SNTB1: variants seen among roughly 807,000 people sequenced by gnomAD.
SNTB1 encodes the protein beta-1-syntrophin.
A neutral mutation model predicts 48.9 loss-of-function variants in SNTB1; 36 were observed. The ratio of observed to expected loss-of-function variants is 0.74; its 90% confidence interval spans 0.56 to 0.97. The LOEUF is 0.97. SNTB1 is among the 50% of genes least tolerant of loss of function. The pLI, the probability that SNTB1 is intolerant of heterozygous loss-of-function variation, is 0.00. For synonymous variants in SNTB1, 299 were observed against 294.6 expected, an observed-to-expected ratio of 1.01 and a Z score of -0.15; for missense variants, 786 against 703.4, an observed-to-expected ratio of 1.12 and a Z score of -1.33.
At chr8:120,540,134 G>A (rs1422002766) in intron 6 of SNTB1, among the ~76,000 whole-genome samples, 2 of 152,128 alleles carry the variant, frequency 1.3e-5, no homozygotes, top group African/African-American at 2.4e-5. Context: ...AGAAAGAAAC[G>A]AAAGGACTTC....
In SNTB1 at chr8:120,693,879, C is replaced by T. The variant is rs780505019; in HGVS notation, c.601G>A (p.Val201Met). The change falls in exon 2 of 7, where the codon GTG becomes ATG. Residue 201 changes from valine (V) to methionine (M), a missense_variant. By Grantham distance (21) the Val-to-Met change is conservative. Coordinates refer to ENST00000517992, the MANE Select transcript of SNTB1 (RefSeq NM_021021.4). The stretch of plus-strand genomic sequence containing the variant: ...TCGGATACTGGGGATCCTTTCTTCA[C>T]ATAGGGCGTGGCTTCTCGCATGTAC... ...VKYMREATPY[V>M]KKGSPVSEIG... The T allele has an allele frequency of 9.3e-6, 15 of 1,614,034 alleles. No homozygotes were observed. In the South Asian group the frequency reaches 1.4e-4, roughly 15 times the overall value.
chr8:120,800,405 A>AATTAATT (rs1820204104), intron 1 of SNTB1, among the ~76,000 whole-genome samples: 1 of 152,126 alleles, frequency 6.6e-6, no homozygotes, highest in Non-Finnish European at 1.5e-5. Context: ...GTGAGAGATT[A>AATTAATT]AAGACATTTT....
chr8:120,718,037 G>A (rs1186935855), intron 1 of SNTB1, among the ~76,000 whole-genome samples: 2 of 152,294 alleles, frequency 1.3e-5, no homozygotes, highest in East Asian at 3.9e-4. Context: ...GTATTTTGCT[G>A]GCTGTCTTTC....
chr8:120,716,792 T>G (rs906486274), intron 1 of SNTB1, among the ~76,000 whole-genome samples: 1 of 152,202 alleles, frequency 6.6e-6, no homozygotes, highest in African/African-American at 2.4e-5. Flanking sequence ...TGATTTAACA[T>G]GGGAAATAGA....
chr8:120,743,765 C>T (rs1467093000), intron 1 of SNTB1, among the ~76,000 whole-genome samples: 1 of 152,156 alleles, frequency 6.6e-6, no homozygotes, highest in Non-Finnish European at 1.5e-5. Flanking sequence ...GTGTATCTCA[C>T]ACTAAAGTAC....
At position 120,566,225 on chromosome 8, in the gene SNTB1, A is replaced by C. The variant is rs190810912; in HGVS notation, c.1136+8861T>G. On this transcript the variant is annotated intron_variant, in intron 4 of 6. Transcript: ENST00000517992. ...GTGCCTGTAGTCCTAGCTACTTGGG[A>C]GGCTAAGGCAGGAGAATCACTTGAA... Among the ~76,000 whole-genome samples the C allele has an allele frequency of 1.1e-3, 160 of 148,674 alleles. 1 individual carries two copies. The highest frequency in any genetic ancestry group is 3.8e-3 in the African/African-American group (155 of 40,670).
At chr8:120,644,818 G>C (rs1303452658) in intron 2 of SNTB1, among the ~76,000 whole-genome samples, 1 of 151,334 alleles carries the variant, frequency 6.6e-6, no homozygotes, top group Non-Finnish European at 1.5e-5. Context: ...ATCCTCTCCA[G>C]CACCTGTTGT....
chr8:120,606,234 TATATA>T (rs902952032), intron 3 of SNTB1, among the ~76,000 whole-genome samples: 24 of 147,196 alleles, frequency 1.6e-4, no homozygotes, highest in African/African-American at 5.4e-4. Flanking sequence ...AATATAATTA[TATATA>T]ATATAATAAT....
chr8:120,809,034 C>T (rs761543935), intron 1 of SNTB1, among the ~76,000 whole-genome samples: 1 of 152,130 alleles, frequency 6.6e-6, no homozygotes, highest in South Asian at 2.1e-4. Context: ...TTTCAGAATA[C>T]GAAGAAGTAG....
At chr8:120,743,106 C>G (rs75936604) in intron 1 of SNTB1, among the ~76,000 whole-genome samples, 10,708 of 152,262 alleles carry the variant, frequency 0.07, 539 homozygotes, top group East Asian at 0.18. Flanking sequence ...TACCATTTCT[C>G]TGAAAGCAAG....
At chr8:120,741,397 T>C (rs1819038753) in intron 1 of SNTB1, among the ~76,000 whole-genome samples, 1 of 152,114 alleles carries the variant, frequency 6.6e-6, no homozygotes, top group Non-Finnish European at 1.5e-5. Context: ...TCACCTGGGG[T>C]TGGGAGTTTG....
At chr8:120,781,189 T>G (rs1193052573) in intron 1 of SNTB1, among the ~76,000 whole-genome samples, 1 of 152,156 alleles carries the variant, frequency 6.6e-6, no homozygotes, top group Non-Finnish European at 1.5e-5. Flanking sequence ...ATGTCTAGAG[T>G]TGATCATCAA....
At chr8:120,748,404 T>C (rs577285245) in intron 1 of SNTB1, among the ~76,000 whole-genome samples, 1 of 152,280 alleles carries the variant, frequency 6.6e-6, no homozygotes, top group South Asian at 2.1e-4. Flanking sequence ...AGTGTGGAAA[T>C]TCAATACAAA....
chr8:120,556,140 G>A (rs952931848), intron 4 of SNTB1, among the ~76,000 whole-genome samples: 6 of 152,174 alleles, frequency 3.9e-5, no homozygotes, highest in African/African-American at 1.4e-4. Flanking sequence ...CAGCTTAAAA[G>A]GAGAAATACT....
chr8:120,695,858 T>C (rs1818203445), intron 1 of SNTB1, among the ~76,000 whole-genome samples: 1 of 152,122 alleles, frequency 6.6e-6, no homozygotes, highest in Non-Finnish European at 1.5e-5. Flanking sequence ...AGAAAAGAGC[T>C]CCATGGTTGC....
chr8:120,762,140 T>C (rs10955986), intron 1 of SNTB1, among the ~76,000 whole-genome samples: 61,689 of 152,180 alleles, frequency 0.41, 16,083 homozygotes, highest in African/African-American at 0.75. Context: ...ACTCATTATG[T>C]CCTGGCTTTC....
chr8:120,553,641 A>G (rs1036782916), intron 4 of SNTB1, among the ~76,000 whole-genome samples: 2 of 152,182 alleles, frequency 1.3e-5, no homozygotes, highest in Non-Finnish European at 2.9e-5. Flanking sequence ...TGAAAACAAA[A>G]CCATTAAAAT....
intron 2 of SNTB1, among the ~76,000 whole-genome samples, chr8:120,680,291 G>C (rs1027002761): frequency 2.0e-5 from 3 of 152,164 alleles, no homozygotes; most frequent in African/African-American, 7.2e-5. Flanking sequence ...GTCAGGGCAA[G>C]GACTCTGTCA....
intron 2 of SNTB1, among the ~76,000 whole-genome samples, chr8:120,650,558 A>G (rs1817396456): frequency 6.6e-6 from 1 of 152,216 alleles, no homozygotes; most frequent in South Asian, 2.1e-4. Flanking sequence ...TAGCTAAGGC[A>G]AACGATAGGT....
Sources: allele counts gnomAD v4.1 joint callset (sites outside exome capture counted in the v4.1 genomes callset), GRCh38; gene constraint gnomAD v4.1.1; transcripts MANE v1.5; gene names NCBI Gene and HGNC (gene_info 2026-07-23, HGNC 2026-07-21).